Variants in CRACR2A observed in about 807,000 individuals in gnomAD.
The protein encoded by CRACR2A is calcium release activated channel regulator 2A, also known as EF-hand calcium-binding domain-containing protein 4B.
CRACR2A carries 79 observed loss-of-function variants against 90.5 expected under a neutral mutation model. That is an observed-to-expected ratio of 0.87 (90% CI 0.73 to 1.05). CRACR2A has a LOEUF of 1.05. CRACR2A is among the 50% of genes least tolerant of loss of function. The pLI is 0.00. For missense variants in CRACR2A, 823 were observed against 897.2 expected, an observed-to-expected ratio of 0.92 and a Z score of 1.06; for synonymous variants, 338 against 356.7, an observed-to-expected ratio of 0.95 and a Z score of 0.59.
intron 1 of CRACR2A, among the ~76,000 whole-genome samples, chr12:3,739,957 T>C (rs1157475190): frequency 6.6e-6 from 1 of 151,272 alleles, no homozygotes; most frequent in Non-Finnish European, 1.5e-5. Flanking sequence ...ATTGCATGCA[T>C]AGACACAAGC....
intron 7 of CRACR2A, among the ~76,000 whole-genome samples, chr12:3,666,567 G>A (rs544002591): frequency 1.0e-3 from 159 of 152,308 alleles, no homozygotes; most frequent in Non-Finnish European, 3.4e-4. Context: ...TGTAGTTAGC[G>A]TTAACTTATC....
intron 4 of CRACR2A, among the ~76,000 whole-genome samples, chr12:3,688,028 A>G (rs1031005078): frequency 6.6e-6 from 1 of 151,764 alleles, no homozygotes; most frequent in Non-Finnish European, 1.5e-5. Context: ...CCACTTTTTT[A>G]TGGGATTGCT....
At chr12:3,629,855 G>GA (rs1351571475) in intron 15 of CRACR2A, among the ~76,000 whole-genome samples, 1 of 150,996 alleles carries the variant, frequency 6.6e-6, no homozygotes. Flanking sequence ...ACAAGGGGGG[G>GA]GGGGGATGAA....
rs1353026849 is a variant in CRACR2A at position 3,644,603 on chromosome 12, A to G, written c.1156T>C (p.Cys386Arg). 2 of 1,551,552 alleles carry G rather than the reference A, an allele frequency of 1.3e-6. No homozygotes were observed. The highest frequency in any genetic ancestry group is 1.7e-6 in the Non-Finnish European group (2 of 1,146,966). The change falls in exon 12 of 20, where the codon TGT becomes CGT. Residue 386 changes from cysteine (C) to arginine (R), a missense_variant. Physicochemically the swap from Cys to Arg is radical, Grantham distance 180. Transcript: ENST00000440314. ...GAGAACTGGCCAATTACCTGAAAAC[A>G]TATGTCCCGTTCATCCCGAAGGTGC... The part of the protein sequence containing the change: ...NKHLRDERDI[C>R]FQKNKAAKAN...
chr12:3,619,957 C>CT (rs1944102083), intron 17 of CRACR2A, among the ~76,000 whole-genome samples: 2 of 152,272 alleles, frequency 1.3e-5, no homozygotes, highest in African/African-American at 4.8e-5. Context: ...TTGCTGGAGG[C>CT]TGGCACCACA....
intron 4 of CRACR2A, among the ~76,000 whole-genome samples, chr12:3,688,790 T>G (rs572384763): frequency 6.6e-6 from 1 of 152,382 alleles, no homozygotes; most frequent in East Asian, 1.9e-4. Context: ...TATGGCCATT[T>G]TAGTGATACT....
At chr12:3,621,750 A>T (rs1944146312) in intron 17 of CRACR2A, among the ~76,000 whole-genome samples, 1 of 151,490 alleles carries the variant, frequency 6.6e-6, no homozygotes, top group South Asian at 2.1e-4. Context: ...TTAAAAGCAA[A>T]GCACTCAGCA....
chr12:3,690,612 G>A (rs1945635196), intron 4 of CRACR2A, among the ~76,000 whole-genome samples: 1 of 152,202 alleles, frequency 6.6e-6, no homozygotes, highest in African/African-American at 2.4e-5. Flanking sequence ...GTGCCATGTG[G>A]TGATGAGAAG....
chr12:3,648,664 G>T (rs770348652), intron 10 of CRACR2A, 51 bp from the exon 11 acceptor site: 2 of 1,582,322 alleles, frequency 1.3e-6, no homozygotes, highest in Non-Finnish European at 1.7e-6. Context: ...GAAGCCGGAT[G>T]CCCGGACCCC....
chr12:3,633,742 G>C lies in CRACR2A; in HGVS notation c.1603-6C>G. Reference sequence around the variant, plus strand: ...GCAGAGGGAGAGCTTTCCTCCTGTGGATGGCACACAATCTGACCAACTGCA... The same window carrying C: ...GCAGAGGGAGAGCTTTCCTCCTGTGCATGGCACACAATCTGACCAACTGCA... On this transcript the variant is annotated splice_polypyrimidine_tract_variant and splice_region_variant and intron_variant, in intron 14 of 19. Transcript: ENST00000440314. The surrounding 1 kb of genome is among the most constrained non-coding windows in gnomAD (Gnocchi z 4.5). 1 of 1,551,616 alleles carries C rather than the reference G, an allele frequency of 6.4e-7. No homozygotes were observed. The highest frequency in any genetic ancestry group is 8.7e-7 in the Non-Finnish European group (1 of 1,147,000).
chr12:3,712,150 A>G (rs1275178171), intron 3 of CRACR2A, among the ~76,000 whole-genome samples: 1 of 152,156 alleles, frequency 6.6e-6, no homozygotes, highest in African/African-American at 2.4e-5. Flanking sequence ...CCATAGTATC[A>G]TAGAAAGGTT....
intron 2 of CRACR2A, among the ~76,000 whole-genome samples, chr12:3,718,617 G>C (rs988881342): frequency 6.6e-6 from 1 of 152,192 alleles, no homozygotes; most frequent in Non-Finnish European, 1.5e-5. Context: ...AATTTTTAGA[G>C]TGACTGCATG....
chr12:3,659,802 T>C (rs997706351), intron 7 of CRACR2A, 148 bp from the exon 8 acceptor site: 2 of 637,508 alleles, frequency 3.1e-6, no homozygotes, highest in African/African-American at 1.8e-5. Flanking sequence ...ATAAGATCAG[T>C]CCCTCATGAT....
chr12:3,654,396 C>T lies in CRACR2A; in HGVS notation c.862G>A (p.Glu288Lys). Residue 288 changes from glutamate (E) to lysine (K), a missense_variant, in exon 10 of 20, where the codon GAA becomes AAA. Transcript: ENST00000440314. The stretch of plus-strand genomic sequence containing the variant: ...TGATGCAGGGCTGTGCACTGACCTT[C>T]CAGCTGCAAAGGAATGGGGAGCAGA... ...EQLTQKQKRLEGQCTALHHDK... is the reference protein window; with the variant it reads ...EQLTQKQKRLKGQCTALHHDK... 2 of 1,580,210 alleles carry T rather than the reference C, an allele frequency of 1.3e-6. No homozygotes were observed. Among genetic ancestry groups the T allele is most frequent in the Admixed American group, 1.9e-5 (1 of 51,834 alleles).
At position 3,733,500 on chromosome 12, in the gene CRACR2A, G is replaced by C. The variant is rs187979171; in HGVS notation, c.-386-290C>G. Among the ~76,000 whole-genome samples, 44 of 152,232 alleles carry C rather than the reference G, an allele frequency of 2.9e-4. 1 individual carries two copies. In the East Asian group the frequency reaches 7.9e-3, roughly 27 times the overall value. On this transcript the variant is annotated intron_variant, in intron 1 of 19. Coordinates refer to ENST00000440314, the MANE Select transcript of CRACR2A (RefSeq NM_001144958.2). ...TTAAGACGTGAGAGGAGCCCTGCTA[G>C]GGGTGCTCGGAGAAGTGTTTTCCTG...
At chr12:3,641,924 A>C (rs567619612) in intron 12 of CRACR2A, 86 bp from the exon 13 acceptor site, 1 of 1,153,478 alleles carries the variant, frequency 8.7e-7, no homozygotes, top group East Asian at 2.6e-5. Flanking sequence ...CACCTCATAG[A>C]CTAGGCTCTA....
chr12:3,629,874 A>G (rs34917745), intron 15 of CRACR2A, among the ~76,000 whole-genome samples: 54,514 of 147,360 alleles, frequency 0.37, 10,614 homozygotes, highest in Middle Eastern at 0.47. Context: ...AAGAGGTGGC[A>G]TGTGCAAACA....
intron 1 of CRACR2A, among the ~76,000 whole-genome samples, chr12:3,745,805 T>TAAAAA (rs1159945751): frequency 4.3e-4 from 2 of 4,662 alleles, no homozygotes; most frequent in Non-Finnish European, 5.2e-4. Context: ...TAAAATAAAA[T>TAAAAA]AAAATAAAAT....
intron 2 of CRACR2A, among the ~76,000 whole-genome samples, chr12:3,722,466 C>T (rs376320597): frequency 4.6e-5 from 7 of 152,168 alleles, no homozygotes; most frequent in African/African-American, 1.7e-4. Context: ...AGTAAGGAGA[C>T]TAGACCCATG....
Sources: allele counts gnomAD v4.1 joint callset (sites outside exome capture counted in the v4.1 genomes callset), GRCh38; gene constraint gnomAD v4.1.1; non-coding constraint Gnocchi (gnomAD v3.1); transcripts MANE v1.5; gene names NCBI Gene and HGNC (gene_info 2026-07-23, HGNC 2026-07-21).